Variants in TTC3 observed in about 807,000 individuals in gnomAD.
TTC3 encodes the protein tetratricopeptide repeat domain 3, also known as E3 ubiquitin-protein ligase TTC3.
In TTC3, 180 loss-of-function variants were observed where a neutral mutation model predicts 249.6. The ratio of observed to expected loss-of-function variants is 0.72; its 90% CI spans 0.64 to 0.82. TTC3 has a LOEUF of 0.82. Among genes scored for constraint, TTC3 ranks in the 40% least tolerant of loss-of-function variants. The pLI is 0.00. For missense variants in TTC3, 2,061 were observed against 2,398.4 expected (o/e 0.86, Z 2.94); for synonymous variants, 717 against 805.0 (o/e 0.89, Z 1.85).
chr21:37,094,662 A>G (rs2073720324), intron 8 of TTC3, among the ~76,000 whole-genome samples: 4 of 151,696 alleles, frequency 2.6e-5, no homozygotes, highest in Non-Finnish European at 5.9e-5. Flanking sequence ...TGCTAACCTA[A>G]AGTTAAAATT....
intron 1 of TTC3, among the ~76,000 whole-genome samples, chr21:37,084,947 C>T (rs528947754): frequency 5.9e-5 from 9 of 152,228 alleles, no homozygotes; most frequent in South Asian, 4.2e-4. Context: ...GAGCCGAGAT[C>T]GTGCCAGTGC....
intron 35 of TTC3, among the ~76,000 whole-genome samples, chr21:37,175,513 G>A (rs1411717373): frequency 6.9e-6 from 1 of 144,564 alleles, no homozygotes; most frequent in Admixed American, 7.1e-5. Context: ...GGGAGAATCA[G>A]TTGAACCCAG....
At chr21:37,153,336 C>G (rs1157459425) in intron 27 of TTC3, 59 bp downstream of exon 27, 2 of 1,439,642 alleles carry the variant, frequency 1.4e-6, no homozygotes, top group African/African-American at 2.9e-5. Context: ...GTGTAGGTCT[C>G]TGAGTCATTT....
intron 1 of TTC3, among the ~76,000 whole-genome samples, chr21:37,078,087 T>C (rs2071151830): frequency 1.3e-5 from 2 of 152,178 alleles, no homozygotes. Context: ...CCCTGTACCA[T>C]GTATTGAATT....
chr21:37,084,653 C>T (rs985830713), intron 1 of TTC3, among the ~76,000 whole-genome samples: 45 of 152,178 alleles, frequency 3.0e-4, no homozygotes, highest in Admixed American at 2.7e-3. Context: ...GTCTTGGCTG[C>T]AGAGTCCCTG....
intron 36 of TTC3, among the ~76,000 whole-genome samples, chr21:37,184,085 A>C (rs936763376): frequency 1.3e-5 from 2 of 151,822 alleles, no homozygotes; most frequent in Admixed American, 1.3e-4. Context: ...CAGAATTTTC[A>C]CTCCCTGTGT....
In TTC3 at chr21:37,088,342, G is replaced by A. The variant is rs750841426; in HGVS notation, c.334G>A (p.Ala112Thr). The change falls in exon 4 of 46, where the codon GCC (alanine) becomes ACC (threonine). Residue 112 changes from alanine to threonine, a missense_variant. By Grantham distance (58) the Ala-to-Thr change is moderately conservative. Coordinates refer to ENST00000355666, the Ensembl canonical transcript of TTC3. ...ATCACGATTGCATCCCTGTGTGGAC[G>A]CCAAGTAAGTTACTATATGTTGCTC... 4.7e-5 allele frequency: 76 copies of A among 1,610,150 alleles called. 1 individual carries two copies. In the South Asian group the frequency reaches 7.6e-4, roughly 16 times the overall value.
chr21:37,170,475 A>G (rs2081661839), intron 34 of TTC3, among the ~76,000 whole-genome samples: 1 of 152,224 alleles, frequency 6.6e-6, no homozygotes, highest in African/African-American at 2.4e-5. Context: ...ATCTGCACTC[A>G]TATATGTATA....
At chr21:37,146,544 ATGC>A (rs2078998445) in intron 21 of TTC3, among the ~76,000 whole-genome samples, 1 of 152,088 alleles carries the variant, frequency 6.6e-6, no homozygotes, top group Non-Finnish European at 1.5e-5. Flanking sequence ...TACTGATAAC[ATGC>A]TGCAGCATGG....
intron 16 of TTC3, among the ~76,000 whole-genome samples, chr21:37,131,359 A>G (rs142476612): frequency 0.016 from 2,398 of 152,242 alleles, 134 homozygotes; most frequent in Admixed American, 0.11. Flanking sequence ...GTACCTACAT[A>G]CCTACATAAT....
At chr21:37,169,584 CTCATG>C (rs1465448143) in intron 34 of TTC3, among the ~76,000 whole-genome samples, 1 of 151,514 alleles carries the variant, frequency 6.6e-6, no homozygotes, top group African/African-American at 2.4e-5. Flanking sequence ...GGTGTGGTGG[CTCATG>C]CCTGTAATCC....
chr21:37,116,188 A>G (rs1246207901), intron 11 of TTC3, among the ~76,000 whole-genome samples: 1 of 152,236 alleles, frequency 6.6e-6, no homozygotes, highest in Non-Finnish European at 1.5e-5. Context: ...TAGTGATTGA[A>G]TGAATCAAAT....
chr21:37,149,950 A>G (rs906139898), intron 23 of TTC3, 128 bp from the exon 24 acceptor site: 2 of 653,650 alleles, frequency 3.1e-6, no homozygotes, highest in Non-Finnish European at 5.1e-6. Context: ...AAGGATTTTC[A>G]CCACTTGCCT....
At chr21:37,096,220 G>A (rs1034528196) in intron 9 of TTC3, among the ~76,000 whole-genome samples, 1 of 152,314 alleles carries the variant, frequency 6.6e-6, no homozygotes. Flanking sequence ...TCAGTTCTTT[G>A]TCAAAACGAC....
At position 37,088,235 on chromosome 21, in the gene TTC3, C is replaced by T. The variant is rs556511744; in HGVS notation, c.227C>T (p.Ser76Phe). 16 of 1,612,060 alleles carry T rather than the reference C, an allele frequency of 9.9e-6. No homozygotes were observed. The African/African-American group carries it at 2.1e-4, about 21-fold the overall frequency. The change falls in exon 4 of 46, where the codon TCT (serine) becomes TTT (phenylalanine). Residue 76 changes from serine (S) to phenylalanine (F), a missense_variant. This residue lies in a region of TTC3 where 989 missense variants were observed against 1,145.1 expected (regional missense o/e 0.86). Coordinates refer to ENST00000355666, the Ensembl canonical transcript of TTC3. Reference sequence around the variant, plus strand: ...AGTATATGGTGTAGTAAACCAATTTCTGTCCTGCAAGATTATTGCGATGCC... The same window carrying T: ...AGTATATGGTGTAGTAAACCAATTTTTGTCCTGCAAGATTATTGCGATGCC...
At chr21:37,138,328 C>T (rs2078144039) in intron 18 of TTC3, among the ~76,000 whole-genome samples, 1 of 152,104 alleles carries the variant, frequency 6.6e-6, no homozygotes, top group African/African-American at 2.4e-5. Flanking sequence ...CTTAATCTGT[C>T]ACTAGTACTG....
At chr21:37,122,029 T>G in intron 12 of TTC3, 50 bp downstream of exon 12, 1 of 1,520,436 alleles carries the variant, frequency 6.6e-7, no homozygotes, top group Non-Finnish European at 8.8e-7. Context: ...CCTTTCAAAC[T>G]TTGGAGGGTG....
chr21:37,159,670 C>G lies in TTC3; in HGVS notation c.2993-29C>G, dbSNP rs747882053. The G allele has an allele frequency of 1.9e-6, 3 of 1,608,918 alleles. No homozygotes were observed. The Admixed American group carries it at 5.1e-5, about 27-fold the overall frequency. ...TATGGAAATGTAAATATTTAGTTTT[C>G]TCACAAAACCATCTGTATATTCCTA... On this transcript the variant is annotated intron_variant, in intron 28 of 45. Transcript: ENST00000355666.
chr21:37,165,500 A>G (rs2148074004), intron 32 of TTC3, 50 bp from the exon 33 acceptor site: 2 of 1,410,350 alleles, frequency 1.4e-6, no homozygotes, highest in Non-Finnish European at 1.9e-6. Flanking sequence ...AAATAGACAT[A>G]TTCAAGTACT....
Sources: allele counts gnomAD v4.1 joint callset (sites outside exome capture counted in the v4.1 genomes callset), GRCh38; gene constraint gnomAD v4.1.1; regional missense constraint gnomAD v4.1.1; transcripts MANE v1.5; gene names NCBI Gene and HGNC (gene_info 2026-07-23, HGNC 2026-07-21).